Variants in NYAP2 observed in about 807,000 individuals in gnomAD.
The protein encoded by NYAP2 is neuronal tyrosine-phosphorylated phosphoinositide-3-kinase adapter 2.
A neutral mutation model predicts 50.4 loss-of-function variants in NYAP2; 23 were observed. That is an observed-to-expected ratio of 0.46 (90% confidence interval 0.33 to 0.65). The LOEUF is 0.65. Among genes scored for constraint, NYAP2 ranks in the 30% least tolerant of loss-of-function variants. NYAP2 has a pLI of 0.02. For synonymous variants in NYAP2, 394 were observed against 365.2 expected (o/e 1.08, Z -0.90); for missense variants, 885 against 861.0 (o/e 1.03, Z -0.35).
intron 4 of NYAP2, among the ~76,000 whole-genome samples, chr2:225,549,972 G>A (rs896400879): frequency 1.5e-4 from 23 of 151,444 alleles, no homozygotes; most frequent in African/African-American, 5.6e-4. Flanking sequence ...GCAACAGAGT[G>A]AGACTCTGTC....
At chr2:225,513,374 A>C in exon 4 of NYAP2, 1 of 1,613,916 alleles carries the variant, frequency 6.2e-7, no homozygotes, top group Non-Finnish European at 8.5e-7. Flanking sequence ...TTTACAGCAT[A>C]GGTGGAGAAG....
chr2:225,533,285 T>C (rs918442295), intron 4 of NYAP2, among the ~76,000 whole-genome samples: 24 of 152,224 alleles, frequency 1.6e-4, no homozygotes, highest in African/African-American at 5.8e-4. Context: ...CAGTTCCAAG[T>C]AACAAAAGTT....
At chr2:225,409,263 C>G (rs1418433118) in intron 3 of NYAP2, among the ~76,000 whole-genome samples, 162 bp downstream of exon 3, 2 of 151,978 alleles carry the variant, frequency 1.3e-5, no homozygotes, top group South Asian at 2.1e-4. Context: ...AAAAACACCA[C>G]CCACACTGCC....
At position 225,600,098 on chromosome 2, in the gene NYAP2, A is replaced by G. The variant is rs563425077; in HGVS notation, c.1618+17063A>G. Among the ~76,000 whole-genome samples, 9 of 152,274 alleles carry G rather than the reference A, an allele frequency of 5.9e-5. No homozygotes were observed. In the South Asian group the frequency reaches 1.9e-3, roughly 32 times the overall value. On this transcript the variant is annotated intron_variant, in intron 5 of 6. Coordinates refer to ENST00000636099, the Ensembl canonical transcript of NYAP2. ...ATTATTACTCAGATCAGTCTCTCCA[A>G]GCATTCAGGGATAGGGGTTTTTCAG...
In NYAP2 at chr2:225,613,744, G is replaced by A. The variant is rs558850737; in HGVS notation, c.1619-13173G>A. Among the ~76,000 whole-genome samples, 4 of 152,038 alleles carry A rather than the reference G, an allele frequency of 2.6e-5. No homozygotes were observed. The South Asian group carries it at 8.3e-4, about 32-fold the overall frequency. Reference sequence around the variant, plus strand: ...CATTAACTTTTTTTAATAATAGGCAGGGAAAAACATTAAAAACAAATCATT... The same window carrying A: ...CATTAACTTTTTTTAATAATAGGCAAGGAAAAACATTAAAAACAAATCATT... On this transcript the variant is annotated intron_variant, in intron 5 of 6. Transcript: ENST00000636099.
intron 3 of NYAP2, among the ~76,000 whole-genome samples, chr2:225,434,586 G>A (rs1421181982): frequency 2.0e-5 from 3 of 152,220 alleles, no homozygotes; most frequent in Non-Finnish European, 4.4e-5. Context: ...GGAACGTATA[G>A]CATGAACTTG....
At chr2:225,615,246 G>A (rs920856709) in intron 5 of NYAP2, among the ~76,000 whole-genome samples, 7 of 152,128 alleles carry the variant, frequency 4.6e-5, no homozygotes, top group African/African-American at 1.4e-4. Context: ...GACTTCCTCA[G>A]TACAAACATA....
At chr2:225,436,189 C>T (rs1333055953) in intron 3 of NYAP2, among the ~76,000 whole-genome samples, 1 of 152,102 alleles carries the variant, frequency 6.6e-6, no homozygotes, top group African/African-American at 2.4e-5. Flanking sequence ...TTCCTTTTGC[C>T]TATAAAATAA....
intron 3 of NYAP2, among the ~76,000 whole-genome samples, chr2:225,441,351 G>C (rs925784474): frequency 5.9e-5 from 9 of 152,090 alleles, no homozygotes; most frequent in African/African-American, 2.2e-4. Context: ...TGAAAATCTT[G>C]GTTGGTCATT....
At chr2:225,511,373 C>CACACACACAG (rs376750469) in intron 3 of NYAP2, among the ~76,000 whole-genome samples, 95 of 117,824 alleles carry the variant, frequency 8.1e-4, no homozygotes, top group African/African-American at 3.0e-3. Context: ...CACACACACA[C>CACACACACAG]AGAGAGAGAG....
At chr2:225,588,067 G>T (rs977142049) in intron 5 of NYAP2, among the ~76,000 whole-genome samples, 3 of 151,946 alleles carry the variant, frequency 2.0e-5, no homozygotes, top group African/African-American at 7.3e-5. Context: ...TGGGATTTAA[G>T]GCATGCACCA....
Position 225,511,369 on chromosome 2 carries a change from C to CAG in NYAP2, c.222-2001_222-2000insGA, listed in dbSNP as rs1350310423. On this transcript the variant is annotated intron_variant, in intron 3 of 6. Coordinates refer to ENST00000636099, the Ensembl canonical transcript of NYAP2. ...ACACACACACACACACACACACACA[C>CAG]ACACAGAGAGAGAGAGAGAGAGAGG... is the stretch of plus-strand genomic sequence containing the variant. Among the ~76,000 whole-genome samples the CAG allele has an allele frequency of 8.2e-3, 1,099 of 134,500 alleles. 9 individuals are homozygous for CAG. The highest frequency in any genetic ancestry group is 0.047 in the South Asian group (181 of 3,812). The allele number at this position is 134,500 out of a possible 152,430, so 88.2% of individuals were successfully genotyped here.
intron 4 of NYAP2, among the ~76,000 whole-genome samples, chr2:225,576,563 A>G (rs1401323164): frequency 6.6e-6 from 1 of 152,224 alleles, no homozygotes; most frequent in Non-Finnish European, 1.5e-5. Context: ...ACCTTCCAGA[A>G]TCAGCCAGTT....
At chr2:225,431,621 T>C (rs1398945490) in intron 3 of NYAP2, among the ~76,000 whole-genome samples, 3 of 152,248 alleles carry the variant, frequency 2.0e-5, no homozygotes, top group African/African-American at 7.2e-5. Flanking sequence ...ATTGAATAAA[T>C]GTCTTCCTCT....
At chr2:225,648,875 T>C (rs1390558911) in intron 6 of NYAP2, among the ~76,000 whole-genome samples, 1 of 152,102 alleles carries the variant, frequency 6.6e-6, no homozygotes, top group Non-Finnish European at 1.5e-5. Flanking sequence ...TTTGAAACCA[T>C]GCGACTGCTG....
chr2:225,490,438 G>A (rs965720020), intron 3 of NYAP2, among the ~76,000 whole-genome samples: 3 of 152,180 alleles, frequency 2.0e-5, no homozygotes, highest in Non-Finnish European at 4.4e-5. Context: ...AGTATAAAAT[G>A]CATTTTGTAA....
At chr2:225,437,962 A>G (rs1352066385) in intron 3 of NYAP2, among the ~76,000 whole-genome samples, 3 of 152,120 alleles carry the variant, frequency 2.0e-5, no homozygotes, top group African/African-American at 4.8e-5. Flanking sequence ...CTGCCTAACA[A>G]TGATCTCTCT....
At chr2:225,697,346 C>T in the NYAP2 span, among the ~76,000 whole-genome samples, 3 of 151,940 alleles carry the variant, frequency 2.0e-5, no homozygotes, top group Non-Finnish European at 4.4e-5. Context: ...GATTAGAATC[C>T]TTGTCAGTCT....
At chr2:225,514,199 A>T (rs1325127273) in intron 4 of NYAP2, among the ~76,000 whole-genome samples, 1 of 152,180 alleles carries the variant, frequency 6.6e-6, no homozygotes, top group Non-Finnish European at 1.5e-5. Context: ...TTTCTCAGCT[A>T]TGAAACATAC....
Sources: allele counts gnomAD v4.1 joint callset (sites outside exome capture counted in the v4.1 genomes callset), GRCh38; gene constraint gnomAD v4.1.1; transcripts MANE v1.5; gene names NCBI Gene and HGNC (gene_info 2026-07-23, HGNC 2026-07-21).